Variants in EPS8L2 observed in about 807,000 individuals in gnomAD.
EPS8L2 encodes EPS8 signaling adaptor L2, also known as epidermal growth factor receptor kinase substrate 8-like protein 2.
EPS8L2 carries 81 observed loss-of-function variants against 99.4 expected under a neutral mutation model. The observed-to-expected ratio is 0.82, with a 90% confidence interval of 0.68 to 0.98. The LOEUF (loss-of-function observed/expected upper bound fraction) is 0.98. Among genes scored for constraint, EPS8L2 ranks in the 50% least tolerant of loss-of-function variants. The pLI is 0.00. For missense variants in EPS8L2, 1,155 were observed against 968.8 expected (o/e 1.19, Z -2.55); for synonymous variants, 509 against 407.3 (o/e 1.25, Z -3.01).
In EPS8L2 at chr11:721,324, T is replaced by C. The variant is rs1333444852; in HGVS notation, c.740T>C (p.Val247Ala). The C allele has an allele frequency of 2.6e-6, 4 of 1,539,314 alleles. No individual in the cohort carries two copies. Among genetic ancestry groups the C allele is most frequent in the East Asian group, 2.4e-5 (1 of 40,854 alleles). The change falls in exon 9 of 21, where the codon GTG (valine) becomes GCG (alanine). Residue 247 changes from valine to alanine, a missense_variant. Transcript: ENST00000318562. ...GAGTCGCAGGAGGAGCCGCGGGCCGTGCTGGCTCAGAAGATAGAGAAGGAG... is the reference window on the plus strand; with the variant it reads ...GAGTCGCAGGAGGAGCCGCGGGCCGCGCTGGCTCAGAAGATAGAGAAGGAG... ...RRESQEEPRA[V>A]LAQKIEKETQ...
intron 15 of EPS8L2, 32 bp downstream of exon 15, chr11:723,385 A>G (rs762394928): frequency 5.6e-5 from 58 of 1,028,874 alleles, no homozygotes; most frequent in Non-Finnish European, 7.8e-5. Context: ...GGAGCATGAA[A>G]GTGAAACCCT....
Position 726,497 on chromosome 11 carries a change from G to T in EPS8L2, c.1934+13G>T. ...CCTTCAGCCCGCGGTGAGCGGGGGC[G>T]GGGGATGAGCTGGGGCCCGGGCGAG... On this transcript the variant is annotated intron_variant, in intron 19 of 20. Coordinates refer to ENST00000318562, the MANE Select transcript of EPS8L2 (RefSeq NM_022772.4). 6.5e-7 allele frequency: 1 copy of T among 1,543,062 alleles called. No individual in the cohort carries two copies.
At position 722,469 on chromosome 11, in the gene EPS8L2, C is replaced by G. The variant is rs770873508; in HGVS notation, c.1128C>G (p.Ala376=). 4 of 1,613,396 alleles carry G rather than the reference C, an allele frequency of 2.5e-6. No individual in the cohort carries two copies. Among genetic ancestry groups the G allele is most frequent in the South Asian group, 1.1e-5 (1 of 91,090 alleles). Residue 376 remains alanine (A), a synonymous_variant, in exon 13 of 21, where the codon GCC becomes GCG. Coordinates refer to ENST00000318562, the MANE Select transcript of EPS8L2 (RefSeq NM_022772.4). The part of the protein sequence containing the change: ...SVSCPLLSRD[A]VDFLRGHLVP... Reference sequence around the variant, plus strand: ...CCTGCCCACTGCTCTCCCGAGATGCCGTGGACTTCCTGCGCGGCCACCTGG... The same window carrying G: ...CCTGCCCACTGCTCTCCCGAGATGCGGTGGACTTCCTGCGCGGCCACCTGG...
Position 724,678 on chromosome 11 carries a change from G to A in EPS8L2, c.1455-46G>A. 7.2e-7 allele frequency: 1 copy of A among 1,390,508 alleles called. No homozygotes were observed. Among genetic ancestry groups the A allele is most frequent in the Non-Finnish European group, 1.0e-6 (1 of 977,888 alleles). The allele number at this position is 1,390,508 out of a possible 1,614,324, so 86.1% of individuals were successfully genotyped here. A position where few individuals can be genotyped will look rare whatever the true frequency, so the allele number is the denominator to read the frequency against. The stretch of plus-strand genomic sequence containing the variant: ...CCCCAGCCACTGCCCAGGTCTCAGA[G>A]GAGACCCCCACCAGACTGGGCCTCA... On this transcript the variant is annotated intron_variant, in intron 15 of 20. Transcript: ENST00000318562. The surrounding 1 kb of genome is among the most constrained non-coding windows in gnomAD (Gnocchi z 5.5).
In EPS8L2 at chr11:727,687, G is replaced by A. The variant is rs1210979912; in HGVS notation, c.*706G>A. The stretch of plus-strand genomic sequence containing the variant: ...ACCCTACAGATGAGAGGTGGCTGAG[G>A]CACCAGGGCTAAGCAATTAAACCAG... On this transcript the variant is annotated 3_prime_UTR_variant, in exon 21 of 21. Coordinates refer to ENST00000318562, the MANE Select transcript of EPS8L2 (RefSeq NM_022772.4). The A allele has an allele frequency of 6.5e-6, 1 of 152,856 alleles. No homozygotes were observed. The allele number at this position is 152,856 out of a possible 1,614,324, so 9.5% of individuals were successfully genotyped here.
At chr11:721,473 C>G in intron 9 of EPS8L2, 92 bp from the exon 10 acceptor site, 2 of 1,497,086 alleles carry the variant, frequency 1.3e-6, no homozygotes, top group South Asian at 1.3e-5. Flanking sequence ...GTGTGGGGCC[C>G]AGCTCCTCCC....
chr11:716,685 C>T (rs1264102835), intron 4 of EPS8L2, among the ~76,000 whole-genome samples: 3 of 152,194 alleles, frequency 2.0e-5, no homozygotes, highest in African/African-American at 7.2e-5. Flanking sequence ...TTCTAGTTTT[C>T]TTGTGACTTC....
intron 3 of EPS8L2, 27 bp from the exon 4 acceptor site, chr11:710,395 G>A (rs1010650859): frequency 8.1e-6 from 13 of 1,611,918 alleles, no homozygotes; most frequent in Non-Finnish European, 1.0e-5. Flanking sequence ...TGCCCGTCGG[G>A]GGAGTGACTG....
chr11:715,625 T>G (rs1245372627), intron 4 of EPS8L2, among the ~76,000 whole-genome samples: 3 of 144,336 alleles, frequency 2.1e-5, no homozygotes, highest in African/African-American at 2.7e-5. Context: ...TTTGTTTTTT[T>G]TTTTTTTTTT....
intron 17 of EPS8L2, 124 bp from the exon 18 acceptor site, chr11:725,974 C>G: frequency 1.5e-6 from 2 of 1,348,046 alleles, no homozygotes; most frequent in Non-Finnish European, 2.0e-6. Context: ...GCTCCCTGGG[C>G]AGAAGGAAAG....
In EPS8L2 at chr11:709,567, G is replaced by C; in HGVS notation, c.59G>C (p.Arg20Pro). The change falls in exon 3 of 21, where the codon CGG becomes CCG. Residue 20 changes from arginine (R) to proline (P), a missense_variant. Physicochemically the swap from Arg to Pro is moderately radical, Grantham distance 103 (BLOSUM62 -2). Transcript: ENST00000318562. The part of the protein sequence containing the change: ...CPGATNGSLG[R>P]SDGVAKMSPK... ...CTCCCCTGCAGTGGCAGCCTGGGCC[G>C]GTCCGACGGTGTGGCCAAGATGAGC... The C allele has an allele frequency of 6.2e-7, 1 of 1,607,118 alleles. No individual in the cohort carries two copies. Among genetic ancestry groups the C allele is most frequent in the Non-Finnish European group, 8.5e-7 (1 of 1,176,524 alleles).
At position 724,838 on chromosome 11, in the gene EPS8L2, C is replaced by G. The variant is rs1233121772; in HGVS notation, c.1560+9C>G. 1.9e-6 allele frequency: 3 copies of G among 1,599,698 alleles called. No homozygotes were observed. The highest frequency in any genetic ancestry group is 1.7e-6 in the Non-Finnish European group (2 of 1,167,856). ...AGGATGAGGTCCTAGAGGTGAGGGG[C>G]TGGAGGACGGGGTCCAAGAGGGGGA... On this transcript the variant is annotated intron_variant, in intron 16 of 20. Transcript: ENST00000318562. This position sits in a 1 kb window ranked among gnomAD's most constrained non-coding sequence, Gnocchi z 5.5.
chr11:718,862 G>T (rs1353159774), intron 4 of EPS8L2, among the ~76,000 whole-genome samples: 1 of 150,574 alleles, frequency 6.6e-6, no homozygotes, highest in Non-Finnish European at 1.5e-5. Context: ...TAGAGACGGG[G>T]TTTCACCATA....
intron 4 of EPS8L2, 80 bp downstream of exon 4, chr11:710,566 A>C: frequency 1.5e-6 from 2 of 1,297,226 alleles, no homozygotes; most frequent in Non-Finnish European, 2.2e-6. Flanking sequence ...TCGTCTCCAC[A>C]AAAAATAAAA....
chr11:712,373 T>C (rs1861914307), intron 4 of EPS8L2, among the ~76,000 whole-genome samples: 1 of 150,250 alleles, frequency 6.7e-6, no homozygotes, highest in Non-Finnish European at 1.5e-5. Context: ...GGGCTCCCGG[T>C]TGTGGTCCAA....
At chr11:710,148 AC>A (rs958694135) in intron 3 of EPS8L2, 10 of 455,932 alleles carry the variant, frequency 2.2e-5, no homozygotes, top group East Asian at 4.2e-5. Context: ...CGGGACAGAA[AC>A]CCCCCGGGCA....
At chr11:721,035 G>C in intron 7 of EPS8L2, 29 bp from the exon 8 acceptor site, 1 of 1,455,574 alleles carries the variant, frequency 6.9e-7, no homozygotes, top group Non-Finnish European at 9.1e-7. Context: ...GTTCCCGGCG[G>C]GGCTGAGCAG....
chr11:721,291 G>C lies in EPS8L2; in HGVS notation c.707G>C (p.Arg236Pro), dbSNP rs767597522. Residue 236 changes from arginine to proline, a missense_variant, in exon 9 of 21, where the codon CGC (arginine) becomes CCC (proline). Transcript: ENST00000318562. ...CCGCCGTGTCCCCCATCAGGTTTCC[G>C]CCGTCGGGAGTCGCAGGAGGAGCCG... ...PQVPLSEPGF[R>P]RRESQEEPRA... is the part of the protein sequence containing the mutation. The C allele has an allele frequency of 6.5e-7, 1 of 1,540,492 alleles. No homozygotes were observed. The highest frequency in any genetic ancestry group is 2.2e-4 in the Middle Eastern group (1 of 4,612).
chr11:709,570 C>G lies in EPS8L2; in HGVS notation c.62C>G (p.Ser21Cys), dbSNP rs781565230. 6.2e-7 allele frequency: 1 copy of G among 1,612,110 alleles called. No individual in the cohort carries two copies. Among genetic ancestry groups the G allele is most frequent in the Admixed American group, 1.7e-5 (1 of 59,958 alleles). ...CCCTGCAGTGGCAGCCTGGGCCGGTCCGACGGTGTGGCCAAGATGAGCCCC... is the reference window on the plus strand; with the variant it reads ...CCCTGCAGTGGCAGCCTGGGCCGGTGCGACGGTGTGGCCAAGATGAGCCCC... Reference protein sequence around the residue: ...PGATNGSLGRSDGVAKMSPKD... With the variant: ...PGATNGSLGRCDGVAKMSPKD... The change falls in exon 3 of 21, where the codon TCC becomes TGC. Residue 21 changes from serine (S) to cysteine (C), a missense_variant. Coordinates refer to ENST00000318562, the MANE Select transcript of EPS8L2 (RefSeq NM_022772.4).
Sources: allele counts gnomAD v4.1 joint callset (sites outside exome capture counted in the v4.1 genomes callset), GRCh38; gene constraint gnomAD v4.1.1; non-coding constraint Gnocchi (gnomAD v3.1); transcripts MANE v1.5; gene names NCBI Gene and HGNC (gene_info 2026-07-23, HGNC 2026-07-21).